Variants in CDKAL1 observed in about 807,000 individuals in gnomAD.
CDKAL1 encodes the protein threonylcarbamoyladenosine tRNA methylthiotransferase.
In CDKAL1, 32 loss-of-function variants were observed where a neutral mutation model predicts 68.2. That is an observed-to-expected ratio of 0.47 (90% confidence interval 0.35 to 0.63). CDKAL1 has a LOEUF of 0.63. Ranked by LOEUF, CDKAL1 falls within the 30% of genes least tolerant of loss-of-function variation. CDKAL1 has a pLI of 0.00. For synonymous variants in CDKAL1, 234 were observed against 244.3 expected (o/e 0.96, Z 0.39); for missense variants, 606 against 696.7 (o/e 0.87, Z 1.47).
rs534265890 is a variant in CDKAL1, at chr6:20,889,398, G to T, written c.742+43220G>T. On this transcript the variant is annotated intron_variant, in intron 9 of 15. Coordinates refer to ENST00000274695, the MANE Select transcript of CDKAL1 (RefSeq NM_017774.3). ...TAATTAGGTCCCATTTGTCAATTTT[G>T]GCTTTTGTTGCCATTGCTTTTGGTG... Among the ~76,000 whole-genome samples, 5 of 152,130 alleles carry T rather than the reference G, an allele frequency of 3.3e-5. No homozygotes were observed. In the East Asian group the frequency reaches 9.7e-4, roughly 29 times the overall value.
At chr6:20,621,024 G>C (rs557721730) in intron 4 of CDKAL1, among the ~76,000 whole-genome samples, 1 of 152,154 alleles carries the variant, frequency 6.6e-6, no homozygotes, top group Admixed American at 6.6e-5. Flanking sequence ...CTCTTGCTGT[G>C]ACAGTTTCTC....
At chr6:20,935,598 T>G (rs949958854) in intron 9 of CDKAL1, among the ~76,000 whole-genome samples, 3 of 152,038 alleles carry the variant, frequency 2.0e-5, no homozygotes, top group African/African-American at 7.2e-5. Flanking sequence ...CGCAGCTAAT[T>G]TTTGTACTTT....
intron 9 of CDKAL1, among the ~76,000 whole-genome samples, chr6:20,901,585 G>T (rs1173120246): frequency 2.0e-5 from 3 of 149,418 alleles, no homozygotes; most frequent in Admixed American, 6.7e-5. Flanking sequence ...GGAGACTGAG[G>T]CAGGAGAATG....
chr6:20,660,349 T>C (rs1449510860), intron 5 of CDKAL1, among the ~76,000 whole-genome samples: 1 of 152,188 alleles, frequency 6.6e-6, no homozygotes, highest in East Asian at 1.9e-4. Context: ...ATTTTCCTTG[T>C]CCTGGGAAAC....
chr6:20,975,675 CAATT>C, intron 10 of CDKAL1, among the ~76,000 whole-genome samples: 1 of 152,100 alleles, frequency 6.6e-6, no homozygotes, highest in Non-Finnish European at 1.5e-5. Flanking sequence ...TACAGATATT[CAATT>C]ATACATTTGA....
At chr6:21,029,071 G>A (rs947090958) in intron 11 of CDKAL1, among the ~76,000 whole-genome samples, 3 of 151,942 alleles carry the variant, frequency 2.0e-5, no homozygotes, top group Non-Finnish European at 4.4e-5. Flanking sequence ...ATTTTTGGCA[G>A]AGTCTCACTC....
At chr6:20,874,081 C>CTTTGTTGTA (rs1760363320) in intron 9 of CDKAL1, among the ~76,000 whole-genome samples, 8 of 151,872 alleles carry the variant, frequency 5.3e-5, no homozygotes, top group Admixed American at 1.3e-4. Context: ...GGACGTTGGG[C>CTTTGTTGTA]CTGGGATATA....
At chr6:20,929,198 TG>T (rs1763316250) in intron 9 of CDKAL1, among the ~76,000 whole-genome samples, 1 of 152,190 alleles carries the variant, frequency 6.6e-6, no homozygotes, top group South Asian at 2.1e-4. Context: ...CCAAGCCTAG[TG>T]GGATACCTTT....
chr6:21,169,929 C>CCG (rs1554191161), intron 13 of CDKAL1, among the ~76,000 whole-genome samples: 4 of 136,212 alleles, frequency 2.9e-5, no homozygotes, highest in African/African-American at 5.5e-5. Flanking sequence ...AGACCCCCCC[C>CCG]ACCCCATGAT....
chr6:20,886,859 G>T (rs1357690337), intron 9 of CDKAL1, among the ~76,000 whole-genome samples: 1 of 152,126 alleles, frequency 6.6e-6, no homozygotes, highest in Non-Finnish European at 1.5e-5. Context: ...TCCCAGAAAT[G>T]TAAAACAAAA....
At chr6:20,544,254 C>T (rs1028881597) in intron 2 of CDKAL1, among the ~76,000 whole-genome samples, 1 of 151,910 alleles carries the variant, frequency 6.6e-6, no homozygotes, top group African/African-American at 2.4e-5. Context: ...TATTTCTATC[C>T]CTCTACCAAT....
chr6:20,911,554 G>A (rs1210278491), intron 9 of CDKAL1, among the ~76,000 whole-genome samples: 1 of 152,194 alleles, frequency 6.6e-6, no homozygotes, highest in Non-Finnish European at 1.5e-5. Flanking sequence ...AAAGGAATTT[G>A]CTACAAGTAA....
chr6:20,814,370 A>G (rs889788342), intron 8 of CDKAL1, among the ~76,000 whole-genome samples: 1 of 152,106 alleles, frequency 6.6e-6, no homozygotes, highest in East Asian at 1.9e-4. Context: ...AGACAGTTTT[A>G]CTTCATTCTT....
chr6:20,944,590 C>T (rs1331758148), intron 9 of CDKAL1, among the ~76,000 whole-genome samples: 1 of 152,210 alleles, frequency 6.6e-6, no homozygotes, highest in Non-Finnish European at 1.5e-5. Flanking sequence ...AGTGATCCAC[C>T]CGCCACAGCC....
intron 5 of CDKAL1, among the ~76,000 whole-genome samples, chr6:20,656,696 T>C (rs1272448756): frequency 6.6e-6 from 1 of 152,146 alleles, no homozygotes. Context: ...ATATAACTTG[T>C]GTCAATGGGT....
intron 8 of CDKAL1, among the ~76,000 whole-genome samples, chr6:20,783,715 C>G (rs532081883): frequency 6.6e-6 from 1 of 152,344 alleles, no homozygotes; most frequent in South Asian, 2.1e-4. Flanking sequence ...CTGATTATGG[C>G]ACTTTACACA....
intron 9 of CDKAL1, among the ~76,000 whole-genome samples, chr6:20,866,359 C>A (rs1759908005): frequency 6.6e-6 from 1 of 152,270 alleles, no homozygotes; most frequent in East Asian, 1.9e-4. Flanking sequence ...TCTTAGGCAG[C>A]TGTTCTAAGG....
intron 12 of CDKAL1, 34 bp from the exon 13 acceptor site, chr6:21,108,367 G>A: frequency 3.4e-6 from 5 of 1,473,504 alleles, no homozygotes; most frequent in Non-Finnish European, 4.7e-6. Context: ...TTGTTTGTAT[G>A]TTGGTTTTTT....
intron 9 of CDKAL1, among the ~76,000 whole-genome samples, chr6:20,891,965 CTT>C (rs1262332158): frequency 6.6e-6 from 1 of 152,098 alleles, no homozygotes; most frequent in Non-Finnish European, 1.5e-5. Flanking sequence ...CTGCAGCATC[CTT>C]AGAGTTGCTG....
Sources: gnomAD v4.1 joint callset for allele counts (sites outside exome capture counted in the v4.1 genomes callset) on GRCh38, gnomAD v4.1.1 for gene constraint, MANE v1.5 for transcripts, NCBI Gene and HGNC (gene_info 2026-07-23, HGNC 2026-07-21) for gene names.